The following MRGPRX2 variants were observed in gnomAD, a reference collection of about 807,000 sequenced individuals.
The protein encoded by MRGPRX2 is MAS related GPR family member X2.
For missense variants in MRGPRX2, 389 were observed against 404.5 expected (o/e 0.96, Z 0.33); for synonymous variants, 183 against 175.6 (o/e 1.04, Z -0.33).
intron 1 of MRGPRX2, among the ~76,000 whole-genome samples, chr11:19,060,235 T>C (rs1234041649): frequency 6.6e-6 from 1 of 152,220 alleles, no homozygotes. Flanking sequence ...ATGTGTGTTT[T>C]CTGCTGGGAC....
At chr11:19,060,025 A>G (rs1032323936) in intron 1 of MRGPRX2, among the ~76,000 whole-genome samples, 16 of 131,710 alleles carry the variant, frequency 1.2e-4, no homozygotes, top group Admixed American at 4.3e-4. Flanking sequence ...CCACAGCTAT[A>G]GTTACAGTTA....
rs954562936 is a variant in MRGPRX2 at position 19,056,224 on chromosome 11, C to T, written c.179G>A (p.Arg60His). Residue 60 changes from arginine to histidine, a missense_variant, in exon 2 of 2, where the codon CGC (arginine) becomes CAC (histidine). Arg to His is a conservative substitution (Grantham distance 29, BLOSUM62 0). Coordinates refer to ENST00000329773, the MANE Select transcript of MRGPRX2 (RefSeq NM_054030.4). ...GACGTAGACAGAGAAGGCGTTCCTG[C>T]GCATGCGGAAGCCCAGGAGCCAGAG... Reference protein sequence around the residue: ...FVLWLLGFRMRRNAFSVYVLS... With the variant: ...FVLWLLGFRMHRNAFSVYVLS... 2.5e-6 allele frequency: 4 copies of T among 1,614,112 alleles called. No homozygotes were observed. The highest frequency in any genetic ancestry group is 2.5e-6 in the Non-Finnish European group (3 of 1,179,956).
intron 1 of MRGPRX2, among the ~76,000 whole-genome samples, chr11:19,060,393 T>C (rs545860249): frequency 7.9e-5 from 12 of 152,174 alleles, no homozygotes; most frequent in Non-Finnish European, 1.3e-4. Flanking sequence ...CTCCATAGTT[T>C]CAGATTTGAA....
rs1849608466 is a variant in MRGPRX2, at chr11:19,055,699, C to T, written c.704G>A (p.Cys235Tyr). Residue 235 changes from cysteine to tyrosine, a missense_variant, in exon 2 of 2, where the codon TGC (cysteine) becomes TAC (tyrosine). Coordinates refer to ENST00000329773, the MANE Select transcript of MRGPRX2 (RefSeq NM_054030.4). The part of the protein sequence containing the change: ...ILLTVLVFLL[C>Y]GLPFGIQWFL... Reference sequence around the variant, plus strand: ...CCACTGAATGCCAAAGGGCAGGCCGCAGAGGAGGAACACCAGCACTGTGAG... The same window carrying T: ...CCACTGAATGCCAAAGGGCAGGCCGTAGAGGAGGAACACCAGCACTGTGAG... The T allele has an allele frequency of 6.2e-7, 1 of 1,614,050 alleles. No homozygotes were observed. Among genetic ancestry groups the T allele is most frequent in the Admixed American group, 1.7e-5 (1 of 60,010 alleles).
At chr11:19,057,072 G>A (rs951721943) in intron 1 of MRGPRX2, among the ~76,000 whole-genome samples, 1 of 152,138 alleles carries the variant, frequency 6.6e-6, no homozygotes, top group Non-Finnish European at 1.5e-5. Context: ...ATAGTGGAGG[G>A]TCAAGAAGTT....
At chr11:19,060,132 C>T (rs1161052713) in intron 1 of MRGPRX2, among the ~76,000 whole-genome samples, 1 of 152,210 alleles carries the variant, frequency 6.6e-6, no homozygotes, top group Non-Finnish European at 1.5e-5. Context: ...TATCACTTGC[C>T]TTTGAGGGCT....
intron 1 of MRGPRX2, among the ~76,000 whole-genome samples, chr11:19,058,494 C>T (rs2133316618): frequency 6.6e-6 from 1 of 151,326 alleles, no homozygotes; most frequent in African/African-American, 2.4e-5. Flanking sequence ...GATCTCGGCT[C>T]ACTGCAAGCT....
intron 1 of MRGPRX2, among the ~76,000 whole-genome samples, chr11:19,059,694 G>T (rs538395684): frequency 7.6e-6 from 1 of 131,804 alleles, no homozygotes; most frequent in East Asian, 2.3e-4. Flanking sequence ...CTGAGAAGAG[G>T]CTATGGGAAG....
rs769886980 is a variant in MRGPRX2, at chr11:19,055,776, G to A, written c.627C>T (p.Ile209=). The A allele has an allele frequency of 6.2e-7, 1 of 1,614,130 alleles. No homozygotes were observed. Among genetic ancestry groups the A allele is most frequent in the Non-Finnish European group, 8.5e-7 (1 of 1,180,030 alleles). The stretch of plus-strand genomic sequence containing the variant: ...GTGGCAGACCCCTGGAGCCACAGAG[G>A]ATCCTGACCAGCAGGGCCAGACTGG... ...CGSSLALLVR[I]LCGSRGLPLT... Residue 209 remains isoleucine, a synonymous_variant, in exon 2 of 2, where the codon ATC becomes ATT. Coordinates refer to ENST00000329773, the MANE Select transcript of MRGPRX2 (RefSeq NM_054030.4).
At position 19,056,426 on chromosome 11, in the gene MRGPRX2, C is replaced by G; in HGVS notation, c.-24G>C. On this transcript the variant is annotated splice_region_variant and 5_prime_UTR_variant, in exon 2 of 2. Coordinates refer to ENST00000329773, the MANE Select transcript of MRGPRX2 (RefSeq NM_054030.4). The stretch of plus-strand genomic sequence containing the variant: ...ATGCTCAGAAAACCTCCACTGGTGC[C>G]CCTGGAAACAAAAACAAGACTTGAG... The G allele has an allele frequency of 6.3e-7, 1 of 1,588,016 alleles. No homozygotes were observed. The highest frequency in any genetic ancestry group is 8.6e-7 in the Non-Finnish European group (1 of 1,165,032).
Position 19,056,007 on chromosome 11 carries a change from C to T in MRGPRX2, c.396G>A (p.Leu132=). Residue 132 remains leucine, a synonymous_variant, in exon 2 of 2, where the codon CTG becomes CTA. Transcript: ENST00000329773. ...TVSTERCLSV[L]WPIWYRCRRP... ...GGCGGCAGCGATACCAGATGGGCCA[C>T]AGGACGGACAGGCAGCGCTCGGTGC... is the stretch of plus-strand genomic sequence containing the variant. The T allele has an allele frequency of 6.2e-7, 1 of 1,614,212 alleles. No individual in the cohort carries two copies.
chr11:19,056,492 AT>A, intron 1 of MRGPRX2, 65 bp from the exon 2 acceptor site: 1 of 1,472,348 alleles, frequency 6.8e-7, no homozygotes, highest in Non-Finnish European at 9.2e-7. Flanking sequence ...CCAGCCTGTT[AT>A]GTGGTAATTA....
Position 19,055,234 on chromosome 11 carries a change from T to C in MRGPRX2, c.*176A>G. 1.5e-6 allele frequency: 1 copy of C among 650,244 alleles called. No individual in the cohort carries two copies. The highest frequency in any genetic ancestry group is 2.6e-6 in the Non-Finnish European group (1 of 390,940). 40.3% of individuals were successfully genotyped at this position (650,244 alleles called of 1,614,324 possible). A position where few individuals can be genotyped will look rare whatever the true frequency, so the allele number is the denominator to read the frequency against. ...TGGTGGAAGCCTGTGAGTAAGGCAG[T>C]TCCAGAGACACTGCACTTAGTGTTT... On this transcript the variant is annotated 3_prime_UTR_variant, in exon 2 of 2. Transcript: ENST00000329773.
chr11:19,059,237 CCTGTA>C (rs1565000626), intron 1 of MRGPRX2, among the ~76,000 whole-genome samples: 1 of 152,140 alleles, frequency 6.6e-6, no homozygotes, highest in Admixed American at 6.5e-5. Context: ...ACCAGCTACT[CCTGTA>C]CTCTTTCTTT....
intron 1 of MRGPRX2, among the ~76,000 whole-genome samples, chr11:19,057,986 G>A (rs1849634143): frequency 2.0e-5 from 3 of 152,180 alleles, no homozygotes; most frequent in Admixed American, 2.0e-4. Context: ...ATGAAGAAAG[G>A]AGAAAAGCAA....
At chr11:19,058,370 C>A (rs993327951) in intron 1 of MRGPRX2, among the ~76,000 whole-genome samples, 24 of 151,780 alleles carry the variant, frequency 1.6e-4, no homozygotes, top group African/African-American at 5.3e-4. Flanking sequence ...GTTGTCCTCC[C>A]TCAGGGCAGG....
chr11:19,060,073 T>A (rs1849655516), intron 1 of MRGPRX2, among the ~76,000 whole-genome samples: 1 of 152,202 alleles, frequency 6.6e-6, no homozygotes, highest in Non-Finnish European at 1.5e-5. Context: ...TCTCAGAACT[T>A]CTCTTTCTCC....
chr11:19,056,126 A>G lies in MRGPRX2; in HGVS notation c.277T>C (p.Phe93Leu), dbSNP rs964482572. 2 of 1,614,254 alleles carry G rather than the reference A, an allele frequency of 1.2e-6. No individual in the cohort carries two copies. The highest frequency in any genetic ancestry group is 1.7e-5 in the Admixed American group (1 of 60,030). ...AAATTGATGGAGATGGAACAGAAGA[A>G]GTTACTGAGGTACACCAGGCAATTT... ...IINCLVYLSN[F>L]FCSISINFPS... The change falls in exon 2 of 2, where the codon TTC becomes CTC. Residue 93 changes from phenylalanine to leucine, a missense_variant. Phe to Leu is a conservative substitution (Grantham distance 22). Transcript: ENST00000329773.
At chr11:19,059,793 G>A (rs56946079) in intron 1 of MRGPRX2, among the ~76,000 whole-genome samples, 21,518 of 152,104 alleles carry the variant, frequency 0.14, 2,350 homozygotes, top group African/African-American at 0.3. Flanking sequence ...TCTGTGCCTC[G>A]TCAATGGGCT....
Sources: allele counts gnomAD v4.1 joint callset (sites outside exome capture counted in the v4.1 genomes callset), GRCh38; gene constraint gnomAD v4.1.1; transcripts MANE v1.5; gene names NCBI Gene and HGNC (gene_info 2026-07-23, HGNC 2026-07-21).